The following TMEM50B variants were observed in gnomAD, a reference collection of about 807,000 sequenced individuals.
TMEM50B encodes the protein transmembrane protein 50B.
In TMEM50B, 14 loss-of-function variants were observed where a neutral mutation model predicts 23.4. The ratio of observed to expected loss-of-function variants is 0.60; its 90% CI spans 0.39 to 0.93. The LOEUF is 0.93. Ranked by LOEUF, TMEM50B falls within the 40% of genes least tolerant of loss-of-function variation. TMEM50B has a pLI of 0.00. For missense variants in TMEM50B, 159 were observed against 193.0 expected, an observed-to-expected ratio of 0.82 and a Z score of 1.04; for synonymous variants, 64 against 62.3, an observed-to-expected ratio of 1.03 and a Z score of -0.13.
At chr21:33,445,246 G>A (rs2084042237), downstream of TMEM50B, among the ~76,000 whole-genome samples, 1 of 152,194 alleles carries the variant, frequency 6.6e-6, no homozygotes, top group Non-Finnish European at 1.5e-5. Flanking sequence ...CATAATCCAT[G>A]AGGGTCTAGG....
At chr21:33,465,475 T>C (rs1288994046) in intron 3 of TMEM50B, 66 bp from the exon 4 acceptor site, 2 of 1,248,736 alleles carry the variant, frequency 1.6e-6, no homozygotes, top group Admixed American at 1.9e-5. Context: ...AATATTTATA[T>C]AACACTTAGA....
chr21:33,451,844 C>CGG (rs2123417608), intron 6 of TMEM50B, among the ~76,000 whole-genome samples: 1 of 151,878 alleles, frequency 6.6e-6, no homozygotes, highest in Admixed American at 6.6e-5. Flanking sequence ...AGGCCAAGAA[C>CGG]AGCTTTAAGA....
At chr21:33,432,976 C>T in intron 8 of TMEM50B, 1 of 973,734 alleles carries the variant, frequency 1.0e-6, no homozygotes, top group East Asian at 2.6e-5. Context: ...GCCTCCATCT[C>T]CCAGGTTCAA....
Position 33,458,231 on chromosome 21 carries a change from C to T in TMEM50B, c.373+2182G>A, listed in dbSNP as rs377253055. 1.4e-4 allele frequency among the ~76,000 whole-genome samples: 21 copies of T among 152,206 alleles called. 1 individual carries two copies. The highest frequency in any genetic ancestry group is 1.0e-3 in the Admixed American group (16 of 15,272). Reference sequence around the variant, plus strand: ...TAAAATGAGTTTAAAACACACTTTCCGGCTGGGCACAGTGGCTCACGCCTG... The same window carrying T: ...TAAAATGAGTTTAAAACACACTTTCTGGCTGGGCACAGTGGCTCACGCCTG... On this transcript the variant is annotated intron_variant, in intron 5 of 6. Transcript: ENST00000542230.
At chr21:33,437,016 G>C (rs2083962051) in intron 8 of TMEM50B, 1 of 1,598,336 alleles carries the variant, frequency 6.3e-7, no homozygotes, top group Non-Finnish European at 8.6e-7. Context: ...AGCCATCGGA[G>C]CTGCTAGAGT....
At chr21:33,439,124 C>CA (rs2083985324) in intron 8 of TMEM50B, 1 of 152,292 alleles carries the variant, frequency 6.6e-6, no homozygotes, top group Non-Finnish European at 1.5e-5. Flanking sequence ...ACACAAGTCT[C>CA]CCTGTGAAGC....
At chr21:33,445,924 T>C (rs755544725), downstream of TMEM50B, among the ~76,000 whole-genome samples, 56 of 152,222 alleles carry the variant, frequency 3.7e-4, no homozygotes, top group Non-Finnish European at 8.8e-5. Context: ...AGCTAATAAA[T>C]GGCAGTGCCA....
intron 4 of TMEM50B, among the ~76,000 whole-genome samples, chr21:33,463,846 C>T (rs1014616540): frequency 3.9e-5 from 6 of 152,098 alleles, no homozygotes; most frequent in African/African-American, 9.7e-5. Flanking sequence ...CGAGCCCAGG[C>T]TGTTGAGGCT....
chr21:33,468,066 T>TAAAAA (rs3057402), intron 2 of TMEM50B, among the ~76,000 whole-genome samples: 51,550 of 130,240 alleles, frequency 0.4, 11,832 homozygotes, highest in Non-Finnish European at 0.53. Context: ...CTCGTCTCTT[T>TAAAAA]AAAAAAAAAA....
chr21:33,452,546 G>C (rs1432204717), intron 6 of TMEM50B, among the ~76,000 whole-genome samples: 1 of 152,210 alleles, frequency 6.6e-6, no homozygotes, highest in Non-Finnish European at 1.5e-5. Flanking sequence ...AATACATGAA[G>C]CATCAGAGAG....
chr21:33,435,882 CAA>C (rs35251279), intron 8 of TMEM50B, among the ~76,000 whole-genome samples: 22 of 48,240 alleles, frequency 4.6e-4, no homozygotes, highest in East Asian at 2.1e-3. Context: ...GACTCCGTCT[CAA>C]AAAAAAAAAA....
intron 6 of TMEM50B, among the ~76,000 whole-genome samples, chr21:33,453,129 C>T (rs1243062976): frequency 6.6e-6 from 1 of 152,234 alleles, no homozygotes; most frequent in Admixed American, 6.5e-5. Context: ...GATGAAGTCT[C>T]GCTCTGTTGC....
chr21:33,441,184 G>T (rs1459036437), intron 7 of TMEM50B, among the ~76,000 whole-genome samples: 1 of 151,414 alleles, frequency 6.6e-6, no homozygotes, highest in Non-Finnish European at 1.5e-5. Flanking sequence ...GAGCCCAGAT[G>T]ACACCACTGC....
At position 33,479,954 on chromosome 21, in the gene TMEM50B, G is replaced by C. The variant is rs998273911; in HGVS notation, c.-158C>G. The C allele has an allele frequency of 3.9e-5, 6 of 152,224 alleles. No individual in the cohort carries two copies. The highest frequency in any genetic ancestry group is 1.4e-4 in the African/African-American group (6 of 41,462). The allele number at this position is 152,224 out of a possible 1,614,324, so 9.4% of individuals were successfully genotyped here. ...CTCAGCCCCGGGAGCCCGGAGCTGG[G>C]AGCAGACGCGAGGATAGAGCGCCGG... On this transcript the variant is annotated 5_prime_UTR_variant, in exon 1 of 7. Transcript: ENST00000542230.
chr21:33,450,760 A>T lies in TMEM50B; in HGVS notation c.*58T>A. On this transcript the variant is annotated 3_prime_UTR_variant, in exon 7 of 7. Coordinates refer to ENST00000542230, the MANE Select transcript of TMEM50B (RefSeq NM_006134.7). ...CATTTGGCAATGTGTACTGAGAGAT[A>T]AAAAACCTATCTACAAACAGAATAT... 6.8e-7 allele frequency: 1 copy of T among 1,462,288 alleles called. No individual in the cohort carries two copies. The highest frequency in any genetic ancestry group is 1.9e-5 in the Admixed American group (1 of 52,912). The allele number at this position is 1,462,288 out of a possible 1,614,324, so 90.6% of individuals were successfully genotyped here.
At chr21:33,446,679 C>CTCTAAAAAAAAAA (rs1409384682), downstream of TMEM50B, among the ~76,000 whole-genome samples, 1 of 102,362 alleles carries the variant, frequency 9.8e-6, no homozygotes, top group Non-Finnish European at 1.9e-5. Flanking sequence ...AAAAAAAAAA[C>CTCTAAAAAAAAAA]CTCTAAGAAA....
chr21:33,446,865 G>A (rs969522923), downstream of TMEM50B, among the ~76,000 whole-genome samples: 3 of 108 alleles, frequency 0.028, no homozygotes, highest in East Asian at 0.25. Flanking sequence ...GCAAGAAGGC[G>A]GGGCGCAGTG....
chr21:33,477,334 C>A (rs540388978), intron 1 of TMEM50B, among the ~76,000 whole-genome samples: 1 of 151,826 alleles, frequency 6.6e-6, no homozygotes, highest in East Asian at 1.9e-4. Context: ...TCTCCACGTG[C>A]TTATGAAGGA....
intron 5 of TMEM50B, chr21:33,460,211 G>A (rs2084204664): frequency 5.8e-6 from 3 of 517,656 alleles, no homozygotes; most frequent in Non-Finnish European, 1.0e-5. Context: ...TTTGTCAGTG[G>A]CTTGGATTTC....
Sources: gnomAD v4.1 joint callset for allele counts (sites outside exome capture counted in the v4.1 genomes callset) on GRCh38, gnomAD v4.1.1 for gene constraint, MANE v1.5 for transcripts, NCBI Gene and HGNC (gene_info 2026-07-23, HGNC 2026-07-21) for gene names.